RSPO3: variants seen among roughly 807,000 people sequenced by gnomAD.
RSPO3 encodes R-spondin 3.
In RSPO3, 17 loss-of-function variants were observed where a neutral mutation model predicts 36.5. The observed-to-expected ratio is 0.47, with a 90% CI of 0.32 to 0.70. The LOEUF is 0.70. Among genes scored for constraint, RSPO3 ranks in the 30% least tolerant of loss-of-function variants. RSPO3 has a pLI of 0.04. For missense variants in RSPO3, 294 were observed against 322.5 expected (o/e 0.91, Z 0.68); for synonymous variants, 108 against 107.0 (o/e 1.01, Z -0.06).
At chr6:127,162,844 A>C (rs1774734704) in intron 4 of RSPO3, among the ~76,000 whole-genome samples, 1 of 152,272 alleles carries the variant, frequency 6.6e-6, no homozygotes, top group South Asian at 2.1e-4. Flanking sequence ...GACATTTGTT[A>C]ATGCTGGCAA....
At chr6:127,176,214 T>C (rs191710311) in intron 4 of RSPO3, among the ~76,000 whole-genome samples, 2 of 151,796 alleles carry the variant, frequency 1.3e-5, no homozygotes, top group African/African-American at 2.4e-5. Context: ...GATACTTTAA[T>C]GTTCTAAAAC....
At chr6:127,134,785 TA>T in intron 1 of RSPO3, among the ~76,000 whole-genome samples, 1 of 152,318 alleles carries the variant, frequency 6.6e-6, no homozygotes, top group African/African-American at 2.4e-5. Context: ...TTTCATGAGA[TA>T]TTATTCCATT....
At chr6:127,169,421 G>A (rs536704461) in intron 4 of RSPO3, among the ~76,000 whole-genome samples, 3 of 151,924 alleles carry the variant, frequency 2.0e-5, no homozygotes, top group South Asian at 4.2e-4. Flanking sequence ...TATGATCATA[G>A]GTATGTATAA....
chr6:127,179,546 C>A (rs992626944), intron 4 of RSPO3, among the ~76,000 whole-genome samples: 3 of 151,824 alleles, frequency 2.0e-5, no homozygotes, highest in Non-Finnish European at 4.4e-5. Flanking sequence ...CTGTTTTGGA[C>A]ATGTGAACTG....
chr6:127,169,646 G>C (rs1207037121), intron 4 of RSPO3, among the ~76,000 whole-genome samples: 1 of 151,890 alleles, frequency 6.6e-6, no homozygotes, highest in East Asian at 1.9e-4. Context: ...TTGCAGAAGT[G>C]ACATTATCAC....
At chr6:127,189,221 G>C (rs1775359207) in intron 4 of RSPO3, among the ~76,000 whole-genome samples, 1 of 152,046 alleles carries the variant, frequency 6.6e-6, no homozygotes, top group Non-Finnish European at 1.5e-5. Context: ...AGAACACAGA[G>C]AGGAGAAATG....
chr6:127,183,063 C>G (rs148180324), intron 4 of RSPO3, among the ~76,000 whole-genome samples: 160 of 152,074 alleles, frequency 1.1e-3, no homozygotes, highest in African/African-American at 3.7e-3. Context: ...TTTCTCCAAA[C>G]AATCGCAAAA....
chr6:127,168,084 G>A (rs1774858277), intron 4 of RSPO3, among the ~76,000 whole-genome samples: 1 of 152,104 alleles, frequency 6.6e-6, no homozygotes, highest in Admixed American at 6.6e-5. Flanking sequence ...TGTCTTTATA[G>A]CAGCATGATG....
At chr6:127,132,702 T>C (rs1453929248) in intron 1 of RSPO3, among the ~76,000 whole-genome samples, 1 of 152,080 alleles carries the variant, frequency 6.6e-6, no homozygotes, top group Non-Finnish European at 1.5e-5. Context: ...TTGAATATTA[T>C]TTATTAAAAC....
chr6:127,121,381 C>T (rs998299898), intron 1 of RSPO3, among the ~76,000 whole-genome samples: 1 of 152,196 alleles, frequency 6.6e-6, no homozygotes, highest in Non-Finnish European at 1.5e-5. Context: ...CTGCCTTAAT[C>T]ATCTCAAGGC....
intron 1 of RSPO3, among the ~76,000 whole-genome samples, chr6:127,131,618 G>A (rs1774058854): frequency 6.6e-6 from 1 of 152,062 alleles, no homozygotes; most frequent in Non-Finnish European, 1.5e-5. Flanking sequence ...ACTAAGATGA[G>A]TTGAACAGTC....
chr6:127,159,644 CTTT>C (rs869033594), intron 4 of RSPO3, among the ~76,000 whole-genome samples: 6 of 123,280 alleles, frequency 4.9e-5, no homozygotes, highest in South Asian at 5.3e-4. Flanking sequence ...ATACATTCTC[CTTT>C]TTTTTTTTTT....
intron 1 of RSPO3, among the ~76,000 whole-genome samples, chr6:127,146,265 T>G (rs1453358002): frequency 6.6e-6 from 1 of 151,546 alleles, no homozygotes; most frequent in Non-Finnish European, 1.5e-5. Context: ...AAAAATCAAA[T>G]TTTTAAAAAC....
At chr6:127,195,190 A>G (rs1027662901) in intron 4 of RSPO3, among the ~76,000 whole-genome samples, 21 of 152,052 alleles carry the variant, frequency 1.4e-4, no homozygotes, top group African/African-American at 4.3e-4. Flanking sequence ...TTTTGGAGAT[A>G]GAATCTCCCT....
At chr6:127,138,214 C>G (rs902879846) in intron 1 of RSPO3, among the ~76,000 whole-genome samples, 4 of 151,828 alleles carry the variant, frequency 2.6e-5, no homozygotes, top group African/African-American at 7.3e-5. Context: ...TTTCTCTGTA[C>G]CATATAGACC....
chr6:127,139,311 G>A (rs1022750870), intron 1 of RSPO3, among the ~76,000 whole-genome samples: 7 of 152,100 alleles, frequency 4.6e-5, no homozygotes, highest in Non-Finnish European at 7.4e-5. Context: ...GTTTACTTAT[G>A]CTAAGACCTC....
chr6:127,180,183 G>C (rs926188198), intron 4 of RSPO3, among the ~76,000 whole-genome samples: 4 of 151,822 alleles, frequency 2.6e-5, no homozygotes, highest in African/African-American at 9.7e-5. Flanking sequence ...AAGAGAAGGA[G>C]AGGAACTTTC....
At chr6:127,173,137 A>G (rs573726743) in intron 4 of RSPO3, among the ~76,000 whole-genome samples, 2 of 151,564 alleles carry the variant, frequency 1.3e-5, no homozygotes, top group Non-Finnish European at 2.9e-5. Context: ...TGTTGAAAAA[A>G]TTGAAAACCT....
Position 127,197,420 on chromosome 6 carries a change from C to G in RSPO3, c.*1413C>G. 1 of 1,550,442 alleles carries G rather than the reference C, an allele frequency of 6.4e-7. No individual in the cohort carries two copies. Among genetic ancestry groups the G allele is most frequent in the South Asian group, 1.2e-5 (1 of 84,062 alleles). Reference sequence around the variant, plus strand: ...CTCCATATTTTCTATCTGTGGATCTCTTTAGGGGATTGAAGTCACCCTAGC... The same window carrying G: ...CTCCATATTTTCTATCTGTGGATCTGTTTAGGGGATTGAAGTCACCCTAGC... On this transcript the variant is annotated 3_prime_UTR_variant, in exon 5 of 5. Transcript: ENST00000356698.
Sources: gnomAD v4.1 joint callset for allele counts (sites outside exome capture counted in the v4.1 genomes callset) on GRCh38, gnomAD v4.1.1 for gene constraint, MANE v1.5 for transcripts, NCBI Gene and HGNC (gene_info 2026-07-23, HGNC 2026-07-21) for gene names.